CUBN: variants seen among roughly 807,000 people sequenced by gnomAD.
CUBN encodes 460 kDa receptor.
A neutral mutation model predicts 405.3 loss-of-function variants in CUBN; 282 were observed. The ratio of observed to expected loss-of-function variants is 0.70; its 90% CI spans 0.63 to 0.77. The LOEUF is 0.77. Among genes scored for constraint, CUBN ranks in the 30% least tolerant of loss-of-function variants. The pLI is 0.00. For synonymous variants in CUBN, 1,684 were observed against 1,617.0 expected, an observed-to-expected ratio of 1.04 and a Z score of -0.99; for missense variants, 4,514 against 4,475.2, an observed-to-expected ratio of 1.01 and a Z score of -0.25.
intron 28 of CUBN, among the ~76,000 whole-genome samples, chr10:17,001,250 G>A (rs1833870413): frequency 6.6e-6 from 1 of 152,214 alleles, no homozygotes; most frequent in East Asian, 1.9e-4. Flanking sequence ...GATTTATTGT[G>A]AAGAGCAAAA....
At chr10:17,123,218 G>A (rs1037598457) in intron 5 of CUBN, among the ~76,000 whole-genome samples, 1 of 151,990 alleles carries the variant, frequency 6.6e-6, no homozygotes, top group African/African-American at 2.4e-5. Context: ...GCATGCTGGA[G>A]ACAGTTTCCA....
intron 64 of CUBN, among the ~76,000 whole-genome samples, chr10:16,831,690 C>T (rs1429667486): frequency 1.3e-5 from 2 of 152,048 alleles, no homozygotes; most frequent in Admixed American, 6.5e-5. Flanking sequence ...TTTTTTATAC[C>T]GTAGTTTGTG....
intron 8 of CUBN, 40 bp downstream of exon 8, chr10:17,113,987 C>A (rs1836825645): frequency 1.2e-6 from 2 of 1,603,484 alleles, no homozygotes; most frequent in African/African-American, 2.7e-5. Context: ...ACCTCGCCAA[C>A]CTGGCATGCA....
chr10:17,107,330 G>T (rs563770555), intron 10 of CUBN, among the ~76,000 whole-genome samples: 4 of 152,074 alleles, frequency 2.6e-5, no homozygotes, highest in African/African-American at 7.2e-5. Flanking sequence ...ACTGCACAAT[G>T]GTTGAAATAA....
chr10:16,893,406 G>C (rs912334636), intron 54 of CUBN, among the ~76,000 whole-genome samples: 21 of 109,456 alleles, frequency 1.9e-4, no homozygotes, highest in African/African-American at 6.4e-4. Context: ...GTGTGTGTGT[G>C]TGTGTGTGTG....
intron 17 of CUBN, among the ~76,000 whole-genome samples, chr10:17,077,417 G>A (rs1324172243): frequency 6.6e-6 from 1 of 152,320 alleles, no homozygotes; most frequent in East Asian, 1.9e-4. Flanking sequence ...TGAGCCTAGT[G>A]AGTCGTGAGC....
chr10:17,115,816 C>T (rs1836882930), intron 6 of CUBN, among the ~76,000 whole-genome samples: 1 of 152,200 alleles, frequency 6.6e-6, no homozygotes, highest in African/African-American at 2.4e-5. Context: ...TGAATCACAA[C>T]TTATTATCTG....
rs149220088 is a variant in CUBN, at chr10:16,984,233, C to A, written c.4397G>T (p.Cys1466Phe). Residue 1466 changes from cysteine to phenylalanine, a missense_variant, in exon 30 of 67, where the codon TGT (cysteine) becomes TTT (phenylalanine). Coordinates refer to ENST00000377833, the MANE Select transcript of CUBN (RefSeq NM_001081.4). ...DFHSPRIAQL[C>F]TQRSPENPMQ... is the part of the protein sequence containing the mutation. Reference sequence around the variant, plus strand: ...GGGGTTCTCAGGTGATCTCTGGGTACACAGTTGGGCTATTCTGGGAGAGTG... The same window carrying A: ...GGGGTTCTCAGGTGATCTCTGGGTAAACAGTTGGGCTATTCTGGGAGAGTG... 9 of 1,614,138 alleles carry A rather than the reference C, an allele frequency of 5.6e-6. No individual in the cohort carries two copies. The highest frequency in any genetic ancestry group is 7.6e-6 in the Non-Finnish European group (9 of 1,180,014).
chr10:16,916,344 G>A (rs1002033812), intron 45 of CUBN, among the ~76,000 whole-genome samples: 5 of 152,266 alleles, frequency 3.3e-5, no homozygotes, highest in South Asian at 2.1e-4. Context: ...GCTAATAGTC[G>A]CAAGTAAGTT....
chr10:16,895,877 T>C (rs908341340), intron 54 of CUBN, among the ~76,000 whole-genome samples: 33 of 152,232 alleles, frequency 2.2e-4, no homozygotes, highest in African/African-American at 7.7e-4. Context: ...ATTATACTGA[T>C]ATATATCAGT....
chr10:16,844,508 G>A (rs914034448), intron 60 of CUBN, among the ~76,000 whole-genome samples: 6 of 152,198 alleles, frequency 3.9e-5, no homozygotes, highest in African/African-American at 1.4e-4. Flanking sequence ...CCTACGTGAT[G>A]TAAGATCAGA....
In CUBN at chr10:16,937,761, G is replaced by A. The variant is rs79184887; in HGVS notation, c.5757C>T (p.His1919=). 28 of 1,613,862 alleles carry A rather than the reference G, an allele frequency of 1.7e-5. No individual in the cohort carries two copies. Among genetic ancestry groups the A allele is most frequent in the South Asian group, 4.4e-5 (4 of 91,082 alleles). Residue 1919 remains histidine, a synonymous_variant, in exon 39 of 67, where the codon CAC becomes CAT. Transcript: ENST00000377833. The part of the protein sequence containing the change: ...KLRIYDGPSI[H]ARLIGAYCGT... ...CACAGTAAGCTCCAATTAGGCGGGC[G>A]TGAATGCTAGGCCCATCATAGATCT... is the stretch of plus-strand genomic sequence containing the variant.
At chr10:17,068,548 T>A in intron 20 of CUBN, 57 bp downstream of exon 20, 2 of 1,380,606 alleles carry the variant, frequency 1.4e-6, no homozygotes. Context: ...TTTCTATCAT[T>A]CACTTATTCT....
At chr10:17,026,686 C>G (rs928462465) in intron 27 of CUBN, among the ~76,000 whole-genome samples, 1 of 152,072 alleles carries the variant, frequency 6.6e-6, no homozygotes, top group Admixed American at 6.6e-5. Flanking sequence ...TACAGCGCTT[C>G]CATTGTGGAT....
chr10:16,996,061 C>G (rs1588562503), intron 28 of CUBN, among the ~76,000 whole-genome samples: 1 of 152,290 alleles, frequency 6.6e-6, no homozygotes, highest in East Asian at 1.9e-4. Context: ...TCCCCCATGC[C>G]TTGCCGAGAA....
chr10:16,872,042 T>C (rs1840369136), intron 58 of CUBN, among the ~76,000 whole-genome samples: 2 of 151,918 alleles, frequency 1.3e-5, no homozygotes, highest in Non-Finnish European at 2.9e-5. Context: ...CTGGCCAACA[T>C]GGCAAAACTC....
intron 27 of CUBN, among the ~76,000 whole-genome samples, chr10:17,038,760 T>A (rs973995201): frequency 7.2e-5 from 11 of 152,246 alleles, no homozygotes; most frequent in African/African-American, 2.7e-4. Flanking sequence ...GCTATTGCTC[T>A]GGTCTGGCCT....
chr10:16,916,138 T>A (rs772929729), intron 45 of CUBN, 108 bp from the exon 46 acceptor site: 13 of 1,028,126 alleles, frequency 1.3e-5, no homozygotes, highest in Non-Finnish European at 1.9e-5. Context: ...TTGAAAACTT[T>A]TAGGTGCCAA....
intron 16 of CUBN, among the ~76,000 whole-genome samples, chr10:17,084,883 A>T (rs1216204693): frequency 6.6e-6 from 1 of 152,224 alleles, no homozygotes; most frequent in East Asian, 1.9e-4. Flanking sequence ...TTTGCACGGA[A>T]AACAATTGAA....
Sources: allele counts gnomAD v4.1 joint callset (sites outside exome capture counted in the v4.1 genomes callset), GRCh38; gene constraint gnomAD v4.1.1; transcripts MANE v1.5; gene names NCBI Gene and HGNC (gene_info 2026-07-23, HGNC 2026-07-21).